Variants in HOXD3 observed in about 807,000 individuals in gnomAD.
The protein encoded by HOXD3 is homeobox D3, also known as homeobox protein Hox-D3.
In HOXD3, 13 loss-of-function variants were observed where a neutral mutation model predicts 32.8. The observed-to-expected ratio is 0.40, with a 90% CI of 0.26 to 0.63. The LOEUF (loss-of-function observed/expected upper bound fraction) is 0.63, where lower values mean the gene tolerates loss of function less well. Among genes scored for constraint, HOXD3 ranks in the 20% least tolerant of loss-of-function variants. The probability of loss-of-function intolerance (pLI) is 0.44; values close to 1 mark genes in which losing one functional copy is unlikely to be tolerated. For missense variants in HOXD3, 504 were observed against 577.1 expected (o/e 0.87, Z 1.30); for synonymous variants, 241 against 246.8 (o/e 0.98, Z 0.22).
At chr2:176,160,822 C>A (rs1690777243) in intron 1 of HOXD3, 2 of 152,206 alleles carry the variant, frequency 1.3e-5, no homozygotes, top group South Asian at 4.1e-4. Flanking sequence ...GGCGGGTGGA[C>A]CGATGGGCGC....
chr2:176,152,789 G>A, upstream of HOXD3: 8 of 1,614,216 alleles, frequency 5.0e-6, no homozygotes, highest in Non-Finnish European at 6.8e-6. This position sits in a 1 kb window ranked among gnomAD's most constrained non-coding sequence, Gnocchi z 5.2. Context: ...TCCAGAACCG[G>A]AGGATGAAGT....
At chr2:176,170,300 G>A (rs2105453391) in intron 3 of HOXD3, among the ~76,000 whole-genome samples, 1 of 152,252 alleles carries the variant, frequency 6.6e-6, no homozygotes, top group South Asian at 2.1e-4. Context: ...GCCCACCTCA[G>A]CCCAATTCTC....
At chr2:176,165,962 C>CT (rs1690959771) in intron 2 of HOXD3, among the ~76,000 whole-genome samples, 3 of 152,042 alleles carry the variant, frequency 2.0e-5, no homozygotes, top group Admixed American at 1.3e-4. Flanking sequence ...AGAAATAAGC[C>CT]TTTTTACCAG....
upstream of HOXD3, among the ~76,000 whole-genome samples, chr2:176,157,294 C>A (rs774457707): frequency 1.3e-5 from 2 of 152,230 alleles, no homozygotes; most frequent in East Asian, 3.9e-4. Context: ...TCAGCACGTC[C>A]CTTAAGAAAC....
chr2:176,161,373 G>A (rs921281614), intron 1 of HOXD3, among the ~76,000 whole-genome samples: 6 of 152,190 alleles, frequency 3.9e-5, no homozygotes, highest in Non-Finnish European at 7.3e-5. Context: ...AGCAGTTTAA[G>A]GAGGGGATCT....
At chr2:176,164,727 T>G (rs1047640000) in intron 2 of HOXD3, 5 of 152,192 alleles carry the variant, frequency 3.3e-5, no homozygotes, top group Non-Finnish European at 7.3e-5. Flanking sequence ...TGAGAGAAAC[T>G]GACCGCAACC....
upstream of HOXD3, among the ~76,000 whole-genome samples, chr2:176,156,109 C>T (rs2105427566): frequency 6.6e-6 from 1 of 152,332 alleles, no homozygotes; most frequent in South Asian, 2.1e-4. Flanking sequence ...CAGAAGCATT[C>T]ATCCTTTGTT....
At position 176,169,307 on chromosome 2, in the gene HOXD3, G is replaced by A. The variant is rs1691096896; in HGVS notation, c.193G>A (p.Gly65Ser). 6.2e-7 allele frequency: 1 copy of A among 1,614,004 alleles called. No individual in the cohort carries two copies. Among genetic ancestry groups the A allele is most frequent in the Non-Finnish European group, 8.5e-7 (1 of 1,180,018 alleles). Residue 65 changes from glycine (G) to serine (S), a missense_variant, in exon 3 of 4, where the codon GGT becomes AGT. Gly to Ser is a moderately conservative substitution (Grantham distance 56). Coordinates refer to ENST00000683222, the MANE Select transcript of HOXD3 (RefSeq NM_006898.5). ...AASSLDTDYP[G>S]SACSIQSSAP... ...CAGCTCCCTGGACACTGACTATCCAGGTTCTGCCTGCTCCATCCAGAGCTC... is the reference window on the plus strand; with the variant it reads ...CAGCTCCCTGGACACTGACTATCCAAGTTCTGCCTGCTCCATCCAGAGCTC...
chr2:176,152,905 T>C, upstream of HOXD3: 1 of 1,614,200 alleles, frequency 6.2e-7, no homozygotes, highest in Non-Finnish European at 8.5e-7. This position sits in a 1 kb window ranked among gnomAD's most constrained non-coding sequence, Gnocchi z 5.2. Context: ...TTACAGCCGA[T>C]GGCCAAAGAC....
intron 1 of HOXD3, among the ~76,000 whole-genome samples, chr2:176,160,676 T>C (rs1690772698): frequency 6.6e-6 from 1 of 151,574 alleles, no homozygotes; most frequent in South Asian, 2.1e-4. Flanking sequence ...CGGGGCTCTC[T>C]CCAAATCCAG....
Position 176,158,564 on chromosome 2 carries a change from T to A in HOXD3, c.-181+1112T>A, listed in dbSNP as rs1173898294. ...AGGGGCTGGCTGCGCGTGGTGGTTG[T>A]TTTGGGATTATGTGTGCGTGTGTGT... On this transcript the variant is annotated intron_variant, in intron 1 of 3. Transcript: ENST00000683222. Among the ~76,000 whole-genome samples, 2 of 152,150 alleles carry A rather than the reference T, an allele frequency of 1.3e-5. 1 individual carries two copies. Among genetic ancestry groups the A allele is most frequent in the East Asian group, 3.9e-4 (2 of 5,182 alleles).
intron 1 of HOXD3, among the ~76,000 whole-genome samples, chr2:176,159,304 G>A (rs1294348077): frequency 6.6e-6 from 1 of 152,138 alleles, no homozygotes; most frequent in Non-Finnish European, 1.5e-5. Flanking sequence ...GGCCAGGCCC[G>A]GCCAGGTGAA....
intron 2 of HOXD3, among the ~76,000 whole-genome samples, chr2:176,167,068 A>G (rs1248537570): frequency 2.0e-5 from 3 of 152,256 alleles, no homozygotes; most frequent in Non-Finnish European, 4.4e-5. Flanking sequence ...CAAACAGACA[A>G]AGTGATTGAA....
At chr2:176,168,940 G>A (rs1691082567) in intron 2 of HOXD3, 91 bp from the exon 3 acceptor site, 1 of 942,068 alleles carries the variant, frequency 1.1e-6, no homozygotes, top group African/African-American at 1.6e-5. Flanking sequence ...CGTGAAGTGG[G>A]TAGGAAGCAG....
At chr2:176,170,872 G>A (rs1477081054) in intron 3 of HOXD3, among the ~76,000 whole-genome samples, 1 of 151,678 alleles carries the variant, frequency 6.6e-6, no homozygotes, top group Non-Finnish European at 1.5e-5. Context: ...GCCTGGCCTT[G>A]GACTCCCTAA....
At position 176,169,653 on chromosome 2, in the gene HOXD3, C is replaced by A. The variant is rs2105452090; in HGVS notation, c.539C>A (p.Ala180Glu). 1 of 1,588,116 alleles carries A rather than the reference C, an allele frequency of 6.3e-7. No individual in the cohort carries two copies. The highest frequency in any genetic ancestry group is 1.2e-5 in the South Asian group (1 of 86,148). ...AAGCAGAAGAACAGCTGTGCCACTGCAGGTAGCTCCCTGAGGTGGCCTACT... is the reference window on the plus strand; with the variant it reads ...AAGCAGAAGAACAGCTGTGCCACTGAAGGTAGCTCCCTGAGGTGGCCTACT... ...NSKQKNSCATAGESCEDKSPP... is the reference protein window; with the variant it reads ...NSKQKNSCATEGESCEDKSPP... Residue 180 changes from alanine to glutamate, a missense_variant and splice_region_variant, in exon 3 of 4, where the codon GCA (alanine) becomes GAA (glutamate). Physicochemically the swap from Ala to Glu is moderately radical, Grantham distance 107. Around this residue, in one of 3 missense-constraint regions of HOXD3, gnomAD observed 97 missense variants for 158.0 expected, o/e 0.61. Transcript: ENST00000683222.
At position 176,159,884 on chromosome 2, in the gene HOXD3, A is replaced by G. The variant is rs547108854; in HGVS notation, c.-181+2432A>G. Among the ~76,000 whole-genome samples the G allele has an allele frequency of 2.6e-4, 40 of 152,278 alleles. No individual in the cohort carries two copies. In the East Asian group the frequency reaches 6.4e-3, roughly 24 times the overall value. ...CCTGCCCAGACCTGGAGTCGCACAGATCACGGCGGGCAGTGGCTCAGCGCC... is the reference window on the plus strand; with the variant it reads ...CCTGCCCAGACCTGGAGTCGCACAGGTCACGGCGGGCAGTGGCTCAGCGCC... On this transcript the variant is annotated intron_variant, in intron 1 of 3. Coordinates refer to ENST00000683222, the MANE Select transcript of HOXD3 (RefSeq NM_006898.5).
chr2:176,152,554 G>C, upstream of HOXD3: 1 of 1,450,382 alleles, frequency 6.9e-7, no homozygotes, highest in Non-Finnish European at 9.7e-7. The surrounding 1 kb of genome is among the most constrained non-coding windows in gnomAD (Gnocchi z 5.2). Flanking sequence ...GAGGCGAGGG[G>C]CCTAACTAGT....
At chr2:176,157,782 G>A (rs1346250519) in intron 1 of HOXD3, among the ~76,000 whole-genome samples, 2 of 152,192 alleles carry the variant, frequency 1.3e-5, no homozygotes, top group African/African-American at 2.4e-5. Context: ...GAGGGGCGAG[G>A]TGCACGCGGG....
Sources: allele counts gnomAD v4.1 joint callset (sites outside exome capture counted in the v4.1 genomes callset), GRCh38; gene constraint gnomAD v4.1.1; regional missense constraint gnomAD v4.1.1; non-coding constraint Gnocchi (gnomAD v3.1); transcripts MANE v1.5; gene names NCBI Gene and HGNC (gene_info 2026-07-23, HGNC 2026-07-21).